The following SPTBN2 variants were observed in gnomAD, a reference collection of about 807,000 sequenced individuals.
SPTBN2 encodes spectrin beta chain, non-erythrocytic 2.
A neutral mutation model predicts 284.2 loss-of-function variants in SPTBN2; 107 were observed. The ratio of observed to expected loss-of-function variants is 0.38; its 90% CI spans 0.32 to 0.44. SPTBN2 has a LOEUF of 0.44. Ranked by LOEUF, SPTBN2 falls within the 20% of genes least tolerant of loss-of-function variation. SPTBN2 has a pLI of 1.00. For synonymous variants in SPTBN2, 1,289 were observed against 1,354.8 expected (o/e 0.95, Z 1.07); for missense variants, 2,569 against 3,287.1 (o/e 0.78, Z 5.34).
chr11:66,687,366 T>A lies in SPTBN2; in HGVS notation c.6722+61A>T. On this transcript the variant is annotated intron_variant, in intron 35 of 37. Transcript: ENST00000533211. The surrounding 1 kb of genome is among the most constrained non-coding windows in gnomAD (Gnocchi z 5.2). The stretch of plus-strand genomic sequence containing the variant: ...ATGTACTCTAAAGGGCATCCCTCCC[T>A]CTATCTGGGCAGAGGCTCTGGGGAA... 1 of 1,587,738 alleles carries A rather than the reference T, an allele frequency of 6.3e-7. No homozygotes were observed.
intron 36 of SPTBN2, chr11:66,686,783 G>C: frequency 1.4e-6 from 1 of 691,672 alleles, no homozygotes; most frequent in Non-Finnish European, 2.4e-6. Flanking sequence ...ATTGGCAGCC[G>C]TCAGGCCTGG....
intron 1 of SPTBN2, among the ~76,000 whole-genome samples, chr11:66,738,042 C>T (rs976346556): frequency 6.6e-6 from 1 of 152,092 alleles, no homozygotes; most frequent in African/African-American, 2.4e-5. Context: ...TGGTGAAACC[C>T]CATCTCTATG....
chr11:66,701,422 T>C, intron 16 of SPTBN2, 140 bp from the exon 17 acceptor site: 1 of 1,488,544 alleles, frequency 6.7e-7, no homozygotes, highest in Non-Finnish European at 9.1e-7. Flanking sequence ...CTTGACCCCC[T>C]CTCTCATCTC....
chr11:66,718,401 G>A lies in SPTBN2; in HGVS notation c.158-2420C>T, dbSNP rs1026216599. 6.6e-6 allele frequency among the ~76,000 whole-genome samples: 1 copy of A among 152,170 alleles called. No homozygotes were observed. The highest frequency in any genetic ancestry group is 1.5e-5 in the Non-Finnish European group (1 of 68,026). On this transcript the variant is annotated intron_variant, in intron 3 of 37. Transcript: ENST00000533211. This position sits in a 1 kb window ranked among gnomAD's most constrained non-coding sequence, Gnocchi z 4.8. ...CTCTCCCCACACCCAGGTCCCTCTC[G>A]CCCAGGCACAGTCGTCCCCACAGGG...
rs187254882 is a variant in SPTBN2, at chr11:66,718,188, C to T, written c.158-2207G>A. On this transcript the variant is annotated intron_variant, in intron 3 of 37. Coordinates refer to ENST00000533211, the MANE Select transcript of SPTBN2 (RefSeq NM_006946.4). The surrounding 1 kb of genome is among the most constrained non-coding windows in gnomAD (Gnocchi z 4.8). The stretch of plus-strand genomic sequence containing the variant: ...TTGCTCCATGCAGCACCCCAAGGCC[C>T]GGCAGTCACACCCACCCATGCCATC... Among the ~76,000 whole-genome samples the T allele has an allele frequency of 2.0e-5, 3 of 152,344 alleles. No homozygotes were observed. Among genetic ancestry groups the T allele is most frequent in the Admixed American group, 2.0e-4 (3 of 15,308 alleles).
chr11:66,704,743 C>T lies in SPTBN2; in HGVS notation c.2533G>A (p.Ala845Thr). Residue 845 changes from alanine to threonine, a missense_variant, in exon 15 of 38, where the codon GCG (alanine) becomes ACG (threonine). Transcript: ENST00000533211. ...GCCAGGGCTGCCTCCAAGGCCCGCG[C>T]TCGCTCGCCTGCCCGGGCCTGCAGC... ...EELQARAGERARALEAALALY... is the reference protein window; with the variant it reads ...EELQARAGERTRALEAALALY... 1 of 1,603,422 alleles carries T rather than the reference C, an allele frequency of 6.2e-7. No homozygotes were observed. The highest frequency in any genetic ancestry group is 8.5e-7 in the Non-Finnish European group (1 of 1,176,492).
chr11:66,708,273 C>T lies in SPTBN2; in HGVS notation c.1218G>A (p.Glu406=). The T allele has an allele frequency of 6.3e-7, 1 of 1,597,272 alleles. No individual in the cohort carries two copies. The highest frequency in any genetic ancestry group is 8.6e-7 in the Non-Finnish European group (1 of 1,169,264). The change falls in exon 12 of 38, where the codon GAG becomes GAA. Residue 406 remains glutamate (E), a synonymous_variant. Transcript: ENST00000533211. This position sits in a 1 kb window ranked among gnomAD's most constrained non-coding sequence, Gnocchi z 4.4. ...TGCGCAGGGCCAGCTCACGCTCGTG[C>T]TCCGCCTTCTCCAGCCGCTCCCAAG... The part of the protein sequence containing the change: ...NKAWERLEKA[E]HERELALRTE...
In SPTBN2 at chr11:66,687,584, G is replaced by A; in HGVS notation, c.6565C>T (p.Pro2189Ser). Reference sequence around the variant, plus strand: ...CTCTGGGGCATTGCAGATGGGGCCGGGCCCCGAGTCCGGGTCTGCCTCTCT... The same window carrying A: ...CTCTGGGGCATTGCAGATGGGGCCGAGCCCCGAGTCCGGGTCTGCCTCTCT... Reference protein sequence around the residue: ...RGERQTRTRGPAPSAMPQSRS... With the variant: ...RGERQTRTRGSAPSAMPQSRS... The change falls in exon 35 of 38, where the codon CCG (proline) becomes TCG (serine). Residue 2189 changes from proline (P) to serine (S), a missense_variant. This residue lies in a region of SPTBN2 where 1,130 missense variants were observed against 1,317.3 expected (regional missense o/e 0.86). Coordinates refer to ENST00000533211, the MANE Select transcript of SPTBN2 (RefSeq NM_006946.4). This position sits in a 1 kb window ranked among gnomAD's most constrained non-coding sequence, Gnocchi z 5.2. 6.2e-7 allele frequency: 1 copy of A among 1,610,800 alleles called. No homozygotes were observed. Among genetic ancestry groups the A allele is most frequent in the Non-Finnish European group, 8.5e-7 (1 of 1,179,416 alleles).
rs184914378 is a variant in SPTBN2 at position 66,735,572 on chromosome 11, C to T, written c.-474-6380G>A. Among the ~76,000 whole-genome samples the T allele has an allele frequency of 2.0e-5, 3 of 152,196 alleles. No homozygotes were observed. The East Asian group carries it at 5.8e-4, about 29-fold the overall frequency. ...ACAAAAACTTTAAAAATTATCTGGG[C>T]ATGGTGGTGTATGCCTATGGTCCCA... On this transcript the variant is annotated intron_variant, in intron 1 of 37. Transcript: ENST00000611817.
chr11:66,710,792 G>A lies in SPTBN2; in HGVS notation c.886-23C>T, dbSNP rs765095021. The A allele has an allele frequency of 1.7e-5, 27 of 1,613,166 alleles. No individual in the cohort carries two copies. The highest frequency in any genetic ancestry group is 3.3e-5 in the South Asian group (3 of 91,056). On this transcript the variant is annotated intron_variant, in intron 9 of 37. Coordinates refer to ENST00000533211, the MANE Select transcript of SPTBN2 (RefSeq NM_006946.4). The surrounding 1 kb of genome is among the most constrained non-coding windows in gnomAD (Gnocchi z 4.9). ...CACCTGGGAGGCAGAAGACAGGGACGTGACAGTCCCAGCCACAGGGTCCCT... is the reference window on the plus strand; with the variant it reads ...CACCTGGGAGGCAGAAGACAGGGACATGACAGTCCCAGCCACAGGGTCCCT...
chr11:66,704,782 G>C lies in SPTBN2; in HGVS notation c.2494C>G (p.Arg832Gly). ...EVQSRVPTLE[R>G]HYEELQARAG... ...CGGGCCTGCAGCTCCTCGTAGTGCC[G>C]CTCCAGGGTGGGCACCCGGCTCTGC... Residue 832 changes from arginine (R) to glycine (G), a missense_variant, in exon 15 of 38, where the codon CGG (arginine) becomes GGG (glycine). This residue lies in a region of SPTBN2 where 1,012 missense variants were observed against 1,248.9 expected (regional missense o/e 0.81). Coordinates refer to ENST00000533211, the MANE Select transcript of SPTBN2 (RefSeq NM_006946.4). The C allele has an allele frequency of 6.2e-7, 1 of 1,603,838 alleles. No homozygotes were observed. The highest frequency in any genetic ancestry group is 8.5e-7 in the Non-Finnish European group (1 of 1,177,524).
In SPTBN2 at chr11:66,715,727, T is replaced by C; in HGVS notation, c.309+103A>G. 1.3e-6 allele frequency: 2 copies of C among 1,508,074 alleles called. No individual in the cohort carries two copies. Among genetic ancestry groups the C allele is most frequent in the African/African-American group, 2.8e-5 (2 of 72,512 alleles). The allele number at this position is 1,508,074 out of a possible 1,614,324, so 93.4% of individuals were successfully genotyped here. ...TCCTCTGAGCAGAGGGAGCCACTGC[T>C]TCCCGCCCTGTGCCGTCACTCTCTC... On this transcript the variant is annotated intron_variant, in intron 4 of 37. Transcript: ENST00000533211. This position sits in a 1 kb window ranked among gnomAD's most constrained non-coding sequence, Gnocchi z 5.3.
chr11:66,711,644 A>C (rs1441683417), intron 8 of SPTBN2, among the ~76,000 whole-genome samples: 1 of 152,212 alleles, frequency 6.6e-6, no homozygotes, highest in African/African-American at 2.4e-5. Flanking sequence ...CATAACTTGA[A>C]ATCTGTGGGT....
chr11:66,707,181 T>G lies in SPTBN2; in HGVS notation c.1653+335A>C, dbSNP rs1941607468. 6.6e-6 allele frequency among the ~76,000 whole-genome samples: 1 copy of G among 152,268 alleles called. No individual in the cohort carries two copies. The highest frequency in any genetic ancestry group is 2.4e-5 in the African/African-American group (1 of 41,480). ...CCTGAGAGCTCTCTGTGCTGGCTCCTGGCACTATTCTGGTCTCGGCTTAAA... is the reference window on the plus strand; with the variant it reads ...CCTGAGAGCTCTCTGTGCTGGCTCCGGGCACTATTCTGGTCTCGGCTTAAA... On this transcript the variant is annotated intron_variant, in intron 13 of 37. Transcript: ENST00000533211. The surrounding 1 kb of genome is among the most constrained non-coding windows in gnomAD (Gnocchi z 4.9).
intron 10 of SPTBN2, among the ~76,000 whole-genome samples, chr11:66,709,771 T>G: frequency 6.6e-6 from 1 of 152,260 alleles, no homozygotes; most frequent in Non-Finnish European, 1.5e-5. Flanking sequence ...AAGAACTCCA[T>G]GACAGCATAA....
intron 18 of SPTBN2, 35 bp downstream of exon 18, chr11:66,699,371 T>A: frequency 6.2e-7 from 1 of 1,609,530 alleles, no homozygotes; most frequent in South Asian, 1.1e-5. Context: ...GATTCCCCCC[T>A]GGGAACCCTA....
chr11:66,732,643 C>CT (rs903976556), upstream of SPTBN2, among the ~76,000 whole-genome samples: 16 of 107,826 alleles, frequency 1.5e-4, no homozygotes, highest in South Asian at 7.0e-4. Context: ...GAGCAAGACT[C>CT]TGTCTCTCAA....
rs1271312621 is a variant in SPTBN2, at chr11:66,694,184, A to G, written c.4458T>C (p.Ala1486=). The G allele has an allele frequency of 5.0e-6, 8 of 1,612,738 alleles. No homozygotes were observed. In the Admixed American group the frequency reaches 1.3e-4, roughly 27 times the overall value. The change falls in exon 22 of 38, where the codon GCT becomes GCC. Residue 1486 remains alanine, a synonymous_variant. Transcript: ENST00000533211. ...PMRERCRRLQ[A]SREQHQFHRD... ...GGTGGAACTGGTGCTGCTCGCGAGA[A>G]GCCTGCAGGCGCCGGCAGCGTTCCC...
chr11:66,689,659 G>T, intron 29 of SPTBN2, 146 bp downstream of exon 29: 2 of 1,310,274 alleles, frequency 1.5e-6, no homozygotes, highest in Non-Finnish European at 2.2e-6. Context: ...GAGATTTCCA[G>T]AATGCGAGAA....
Sources: allele counts gnomAD v4.1 joint callset (sites outside exome capture counted in the v4.1 genomes callset), GRCh38; gene constraint gnomAD v4.1.1; regional missense constraint gnomAD v4.1.1; non-coding constraint Gnocchi (gnomAD v3.1); transcripts MANE v1.5; gene names NCBI Gene and HGNC (gene_info 2026-07-23, HGNC 2026-07-21).